C6orf118: variants seen among roughly 807,000 people sequenced by gnomAD.
The protein encoded by C6orf118 is uncharacterized protein C6orf118.
In C6orf118, 50 loss-of-function variants were observed where a neutral mutation model predicts 50.2. That is an observed-to-expected ratio of 1.00 (90% CI 0.79 to 1.26). The LOEUF (loss-of-function observed/expected upper bound fraction) is 1.26, where lower values mean the gene tolerates loss of function less well. Among genes scored for constraint, C6orf118 ranks in the 50% most tolerant of loss-of-function variants. The pLI is 0.00. For missense variants in C6orf118, 641 were observed against 578.7 expected (o/e 1.11, Z -1.10); for synonymous variants, 239 against 230.9 (o/e 1.03, Z -0.32).
chr6:165,307,840 G>A (rs533827753), intron 1 of C6orf118, among the ~76,000 whole-genome samples: 1 of 152,186 alleles, frequency 6.6e-6, no homozygotes, highest in Admixed American at 6.5e-5. Flanking sequence ...GTCTGTCCTC[G>A]AGTCCTGGGC....
intron 7 of C6orf118, among the ~76,000 whole-genome samples, chr6:165,282,647 C>CCTTT (rs1779766873): frequency 7.1e-6 from 1 of 141,144 alleles, no homozygotes; most frequent in Non-Finnish European, 1.5e-5. Context: ...ACATTCAGCT[C>CCTTT]TTTTTTTTTT....
chr6:165,286,255 T>C (rs113707342), intron 7 of C6orf118, among the ~76,000 whole-genome samples: 2 of 152,246 alleles, frequency 1.3e-5, no homozygotes, highest in South Asian at 2.1e-4. Context: ...AATAGACCAA[T>C]AATGAGTTCT....
chr6:165,293,612 G>A, intron 5 of C6orf118, 141 bp from the exon 6 acceptor site: 1 of 600,424 alleles, frequency 1.7e-6, no homozygotes, highest in Non-Finnish European at 2.9e-6. Context: ...ATACTCTGAA[G>A]ATATTTATTA....
At chr6:165,295,365 C>T (rs185182891) in intron 5 of C6orf118, among the ~76,000 whole-genome samples, 4 of 152,200 alleles carry the variant, frequency 2.6e-5, no homozygotes, top group Non-Finnish European at 5.9e-5. Flanking sequence ...CTGAAATGCT[C>T]TTTGGGAACA....
intron 7 of C6orf118, among the ~76,000 whole-genome samples, chr6:165,283,371 T>A (rs1309038118): frequency 6.6e-6 from 1 of 152,096 alleles, no homozygotes; most frequent in African/African-American, 2.4e-5. Flanking sequence ...ACCATCAGGG[T>A]CTTGGGTCCC....
chr6:165,307,094 A>G (rs1308722658), intron 1 of C6orf118, among the ~76,000 whole-genome samples: 1 of 152,226 alleles, frequency 6.6e-6, no homozygotes, highest in Non-Finnish European at 1.5e-5. Context: ...AGGAACATGT[A>G]GTAATAGGTC....
At chr6:165,302,331 G>T in intron 1 of C6orf118, 35 bp from the exon 2 acceptor site, 1 of 1,591,492 alleles carries the variant, frequency 6.3e-7, no homozygotes. Flanking sequence ...CTTAGGGATC[G>T]CTCTTAGTTC....
At position 165,305,810 on chromosome 6, in the gene C6orf118, A is replaced by G. The variant is rs1328400748; in HGVS notation, c.26-3514T>C. ...CACCAGTTAGAAAGGCAATCATTAA[A>G]AAGTCAGGAAATAACAGGTGCTGGA... is the stretch of plus-strand genomic sequence containing the variant. On this transcript the variant is annotated intron_variant, in intron 1 of 8. Transcript: ENST00000230301. Among the ~76,000 whole-genome samples, 2 of 106,254 alleles carry G rather than the reference A, an allele frequency of 1.9e-5. 1 individual carries two copies. Among genetic ancestry groups the G allele is most frequent in the South Asian group, 5.8e-4 (2 of 3,432 alleles). 69.7% of individuals were successfully genotyped at this position (106,254 alleles called of 152,430 possible).
chr6:165,308,065 G>C (rs1005452192), intron 1 of C6orf118, among the ~76,000 whole-genome samples: 5 of 152,214 alleles, frequency 3.3e-5, no homozygotes, highest in African/African-American at 1.2e-4. Flanking sequence ...CACAGGGAGT[G>C]AGATGCAGAC....
chr6:165,298,409 A>T (rs948157004), intron 4 of C6orf118, among the ~76,000 whole-genome samples: 12 of 152,180 alleles, frequency 7.9e-5, no homozygotes, highest in African/African-American at 2.9e-4. Context: ...AAAGTCCTGG[A>T]GGCACATTGT....
chr6:165,296,011 C>G (rs1780284729), intron 5 of C6orf118, among the ~76,000 whole-genome samples: 1 of 138,624 alleles, frequency 7.2e-6, no homozygotes, highest in South Asian at 2.4e-4. Context: ...TATGTGGATT[C>G]TCTCTCTGGA....
intron 7 of C6orf118, among the ~76,000 whole-genome samples, chr6:165,289,608 G>T (rs1780035091): frequency 6.6e-6 from 1 of 151,912 alleles, no homozygotes; most frequent in South Asian, 2.1e-4. Context: ...AGTCTTCAAT[G>T]GCTATTATTC....
rs764094381 is a variant in C6orf118 at position 165,280,031 on chromosome 6, T to A, written c.*26A>T. Reference sequence around the variant, plus strand: ...ATACATGGAAGTTAAGAATTTCCACTGGCCATTTGTTCAGCCACTTGAGCG... The same window carrying A: ...ATACATGGAAGTTAAGAATTTCCACAGGCCATTTGTTCAGCCACTTGAGCG... On this transcript the variant is annotated 3_prime_UTR_variant, in exon 9 of 9. Transcript: ENST00000230301. 5.0e-6 allele frequency: 8 copies of A among 1,591,436 alleles called. No homozygotes were observed. The highest frequency in any genetic ancestry group is 5.1e-6 in the Non-Finnish European group (6 of 1,174,182).
At chr6:165,286,781 A>G (rs1252562066) in intron 7 of C6orf118, among the ~76,000 whole-genome samples, 1 of 152,204 alleles carries the variant, frequency 6.6e-6, no homozygotes, top group Non-Finnish European at 1.5e-5. Context: ...ATCTCAAAAT[A>G]GTAAGAGCCA....
chr6:165,292,986 G>T (rs1780155927), intron 6 of C6orf118, among the ~76,000 whole-genome samples: 1 of 152,196 alleles, frequency 6.6e-6, no homozygotes, highest in Non-Finnish European at 1.5e-5. Flanking sequence ...AACAAACTTG[G>T]AGGGAAAATG....
chr6:165,307,951 C>T (rs1317914915), intron 1 of C6orf118, among the ~76,000 whole-genome samples: 1 of 152,220 alleles, frequency 6.6e-6, no homozygotes, highest in Non-Finnish European at 1.5e-5. Flanking sequence ...ACTGAGATTG[C>T]AATCTGGCCT....
chr6:165,281,523 T>C (rs1015126206), intron 8 of C6orf118, 117 bp downstream of exon 8: 132 of 1,424,308 alleles, frequency 9.3e-5, no homozygotes, highest in Non-Finnish European at 1.1e-4. Context: ...CTGCTTCACA[T>C]GGTTTTCAGT....
At chr6:165,289,110 C>T (rs1780018126) in intron 7 of C6orf118, among the ~76,000 whole-genome samples, 1 of 151,162 alleles carries the variant, frequency 6.6e-6, no homozygotes, top group South Asian at 2.1e-4. Context: ...GGTCAAAAAA[C>T]TAATCCAGTC....
chr6:165,299,371 T>A, intron 4 of C6orf118, 72 bp downstream of exon 4: 3 of 1,395,544 alleles, frequency 2.1e-6, no homozygotes, highest in Non-Finnish European at 3.0e-6. Context: ...TTCAGAAAGG[T>A]TTCCACTGCT....
Sources: gnomAD v4.1 joint callset for allele counts (sites outside exome capture counted in the v4.1 genomes callset) on GRCh38, gnomAD v4.1.1 for gene constraint, MANE v1.5 for transcripts, NCBI Gene and HGNC (gene_info 2026-07-23, HGNC 2026-07-21) for gene names.